The following ZNF169 variants were observed in gnomAD, a reference collection of about 807,000 sequenced individuals.
The protein encoded by ZNF169 is zinc finger protein 169.
A neutral mutation model predicts 12.0 loss-of-function variants in ZNF169; 11 were observed. The observed-to-expected ratio is 0.92, with a 90% CI of 0.58 to 1.52. The LOEUF (loss-of-function observed/expected upper bound fraction) is 1.52. ZNF169 is among the 40% of genes most tolerant of loss of function. The probability of loss-of-function intolerance (pLI) is 0.00; values close to 1 mark genes in which losing one functional copy is unlikely to be tolerated. For synonymous variants in ZNF169, 302 were observed against 286.5 expected (o/e 1.05, Z -0.55); for missense variants, 722 against 744.0 (o/e 0.97, Z 0.34).
intron 4 of ZNF169, chr9:94,294,583 T>C (rs1039653394): frequency 2.6e-5 from 4 of 152,240 alleles, no homozygotes; most frequent in Non-Finnish European, 5.9e-5. Flanking sequence ...ATGAGAATTC[T>C]TGTTGTACAT....
intron 2 of ZNF169, among the ~76,000 whole-genome samples, chr9:94,290,431 C>G (rs551548448): frequency 4.6e-5 from 7 of 151,772 alleles, no homozygotes; most frequent in African/African-American, 1.7e-4. Flanking sequence ...CCCCTGGTAA[C>G]CTCTGTTTTA....
intron 2 of ZNF169, among the ~76,000 whole-genome samples, chr9:94,279,768 T>C (rs1564086933): frequency 6.6e-6 from 1 of 152,242 alleles, no homozygotes; most frequent in Non-Finnish European, 1.5e-5. Context: ...ATTAGTTTTC[T>C]GTGTATAGGT....
At chr9:94,286,888 C>G (rs1280767310) in intron 2 of ZNF169, among the ~76,000 whole-genome samples, 2 of 152,128 alleles carry the variant, frequency 1.3e-5, no homozygotes, top group Non-Finnish European at 2.9e-5. Flanking sequence ...GTGAACCCAC[C>G]CTGCAGACCT....
At chr9:94,277,685 AC>A (rs1416280292) in intron 1 of ZNF169, among the ~76,000 whole-genome samples, 1 of 152,036 alleles carries the variant, frequency 6.6e-6, no homozygotes, top group Admixed American at 6.6e-5. Flanking sequence ...TAATCCCAGC[AC>A]TTTGGGAGGC....
chr9:94,284,071 CAAAAAAAAAAA>C (rs35204508), intron 2 of ZNF169, among the ~76,000 whole-genome samples: 8 of 50,454 alleles, frequency 1.6e-4, no homozygotes, highest in Non-Finnish European at 3.1e-4. Context: ...GACTCTGTCT[CAAAAAAAAAAA>C]AAAAAAAAAA....
chr9:94,281,729 C>T lies in ZNF169; in HGVS notation c.33+2884C>T, dbSNP rs551872065. 2.4e-4 allele frequency among the ~76,000 whole-genome samples: 37 copies of T among 152,150 alleles called. No homozygotes were observed. The South Asian group carries it at 5.4e-3, about 22-fold the overall frequency. On this transcript the variant is annotated intron_variant, in intron 2 of 4. Coordinates refer to ENST00000395395, the MANE Select transcript of ZNF169 (RefSeq NM_194320.4). ...AATACATTGGTTTGGTTCAGAAAGG[C>T]GGGACAACTCAAAGCAGGGGCTCCG...
At chr9:94,272,113 A>G (rs1830434832) in intron 1 of ZNF169, among the ~76,000 whole-genome samples, 1 of 152,082 alleles carries the variant, frequency 6.6e-6, no homozygotes, top group African/African-American at 2.4e-5. Context: ...TTTATTTTTA[A>G]TAAGAATCTC....
chr9:94,266,497 T>G lies in ZNF169; in HGVS notation c.-56+7152T>G, dbSNP rs545972331. Among the ~76,000 whole-genome samples, 15 of 152,288 alleles carry G rather than the reference T, an allele frequency of 9.8e-5. No individual in the cohort carries two copies. The South Asian group carries it at 3.1e-3, about 32-fold the overall frequency. On this transcript the variant is annotated intron_variant, in intron 1 of 4. Coordinates refer to ENST00000395395, the MANE Select transcript of ZNF169 (RefSeq NM_194320.4). ...GGCAGCGCCTGCTGAAACATAGTAG[T>G]GTGCAACAGCAACACATATAAATAG...
At chr9:94,280,474 C>T (rs1028927807) in intron 2 of ZNF169, among the ~76,000 whole-genome samples, 2 of 152,206 alleles carry the variant, frequency 1.3e-5, no homozygotes, top group African/African-American at 4.8e-5. Context: ...ACCAACTTCT[C>T]TCAATATACA....
At position 94,299,971 on chromosome 9, in the gene ZNF169, G is replaced by C. The variant is rs1044821673; in HGVS notation, c.413G>C (p.Ser138Thr). Residue 138 changes from serine to threonine, a missense_variant, in exon 5 of 5, where the codon AGT (serine) becomes ACT (threonine). Physicochemically the swap from Ser to Thr is moderately conservative, Grantham distance 58. Coordinates refer to ENST00000395395, the MANE Select transcript of ZNF169 (RefSeq NM_194320.4). ...DFQLEAPRCS[S>T]EKGESGETEG... ...CAACTAGAAGCTCCAAGATGCTCTA[G>C]TGAAAAAGGAGAAAGTGGAGAGACA... The C allele has an allele frequency of 1.2e-5, 19 of 1,614,006 alleles. No individual in the cohort carries two copies. The highest frequency in any genetic ancestry group is 1.5e-5 in the Non-Finnish European group (18 of 1,180,044).
Position 94,293,003 on chromosome 9 carries a change from G to A in ZNF169, c.190G>A (p.Glu64Lys), listed in dbSNP as rs543204952. ...TGCATTTTCCAAACCAAAACTCATCGAACAGCTGGAGCAAGGCGACGAACC... is the reference window on the plus strand; with the variant it reads ...TGCATTTTCCAAACCAAAACTCATCAAACAGCTGGAGCAAGGCGACGAACC... ...GIAFSKPKLI[E>K]QLEQGDEPWR... Residue 64 changes from glutamate to lysine, a missense_variant, in exon 4 of 5, where the codon GAA (glutamate) becomes AAA (lysine). Glu to Lys is a moderately conservative substitution (Grantham distance 56, BLOSUM62 1). Transcript: ENST00000395395. 6.1e-5 allele frequency: 98 copies of A among 1,612,966 alleles called. No homozygotes were observed. The highest frequency in any genetic ancestry group is 1.7e-4 in the Middle Eastern group (1 of 6,060).
intron 1 of ZNF169, among the ~76,000 whole-genome samples, chr9:94,278,488 C>A (rs961255922): frequency 1.3e-5 from 2 of 152,168 alleles, no homozygotes; most frequent in African/African-American, 2.4e-5. Flanking sequence ...AGGCCTTTTT[C>A]TTTTAATGGA....
intron 1 of ZNF169, among the ~76,000 whole-genome samples, chr9:94,270,828 AAAAT>A (rs1564083491): frequency 2.6e-4 from 3 of 11,634 alleles, no homozygotes; most frequent in Non-Finnish European, 4.0e-4. Flanking sequence ...AAATATATAT[AAAAT>A]ATATATATTA....
rs1831076539 is a variant in ZNF169, at chr9:94,301,422, TCA to T, written c.*53_*54del. 1 of 1,497,094 alleles carries T rather than the reference TCA, an allele frequency of 6.7e-7. No individual in the cohort carries two copies. The highest frequency in any genetic ancestry group is 8.9e-7 in the Non-Finnish European group (1 of 1,122,974). 92.7% of individuals were successfully genotyped at this position (1,497,094 alleles called of 1,614,324 possible). A position where few individuals can be genotyped will look rare whatever the true frequency, so the allele number is the denominator to read the frequency against. ...CTGGCAGAAATCACTAGTAAATGCT[TCA>T]GTTTCCTGAAATGGAATGGAAAAAA... On this transcript the variant is annotated 3_prime_UTR_variant, in exon 5 of 5. Transcript: ENST00000395395.
At chr9:94,260,653 C>T (rs1418043067) in intron 1 of ZNF169, among the ~76,000 whole-genome samples, 4 of 151,980 alleles carry the variant, frequency 2.6e-5, no homozygotes, top group Non-Finnish European at 5.9e-5. Flanking sequence ...GTGTGGCTCC[C>T]TCGGACTTGG....
chr9:94,291,252 C>T (rs1355044250), intron 2 of ZNF169, among the ~76,000 whole-genome samples: 2 of 151,870 alleles, frequency 1.3e-5, no homozygotes, highest in African/African-American at 2.4e-5. Flanking sequence ...TGGTGTTTTA[C>T]CATCTTGGCC....
At position 94,292,970 on chromosome 9, in the gene ZNF169, G is replaced by T. The variant is rs1291247080; in HGVS notation, c.161-4G>T. The T allele has an allele frequency of 3.1e-6, 5 of 1,605,948 alleles. No individual in the cohort carries two copies. In the Admixed American group the frequency reaches 5.1e-5, roughly 16 times the overall value. ...TCACCTTGGTTTTTTTTTCCTGTGA[G>T]TAGGAATTGCATTTTCCAAACCAAA... On this transcript the variant is annotated splice_polypyrimidine_tract_variant and splice_region_variant and intron_variant, in intron 3 of 4. Coordinates refer to ENST00000395395, the MANE Select transcript of ZNF169 (RefSeq NM_194320.4).
At chr9:94,273,590 T>G (rs1460491686) in intron 1 of ZNF169, among the ~76,000 whole-genome samples, 2 of 147,378 alleles carry the variant, frequency 1.4e-5, no homozygotes, top group East Asian at 3.9e-4. Context: ...TTTTTTTTTT[T>G]TTTTTTGAGA....
intron 1 of ZNF169, among the ~76,000 whole-genome samples, chr9:94,268,081 G>T (rs917418259): frequency 2.0e-5 from 3 of 151,730 alleles, no homozygotes; most frequent in African/African-American, 7.3e-5. Context: ...TGTTGGTCAG[G>T]CTGGTCTTGA....
Sources: gnomAD v4.1 joint callset for allele counts (sites outside exome capture counted in the v4.1 genomes callset) on GRCh38, gnomAD v4.1.1 for gene constraint, MANE v1.5 for transcripts, NCBI Gene and HGNC (gene_info 2026-07-23, HGNC 2026-07-21) for gene names.